CTNNA3: variants seen among roughly 807,000 people sequenced by gnomAD.
The protein encoded by CTNNA3 is catenin alpha 3.
A neutral mutation model predicts 95.7 loss-of-function variants in CTNNA3; 76 were observed. The observed-to-expected ratio is 0.79, with a 90% confidence interval of 0.66 to 0.96. The LOEUF is 0.96. Among genes scored for constraint, CTNNA3 ranks in the 40% least tolerant of loss-of-function variants. CTNNA3 has a pLI of 0.00. For missense variants in CTNNA3, 1,191 were observed against 1,089.8 expected (o/e 1.09, Z -1.31); for synonymous variants, 431 against 374.4 (o/e 1.15, Z -1.74).
At chr10:66,210,733 G>A (rs529589170) in intron 13 of CTNNA3, among the ~76,000 whole-genome samples, 2 of 152,206 alleles carry the variant, frequency 1.3e-5, no homozygotes, top group Admixed American at 6.5e-5. Flanking sequence ...TATAAAATCC[G>A]ATGCTAAGCA....
Position 66,927,925 on chromosome 10 carries a change from A to G in CTNNA3, c.1048-152401T>C, listed in dbSNP as rs201519765. ...AAGTTTTAAAGGTCTAAGGGAGAAT[A>G]CAATTATCTGTGCCAGTCCCAAAGA... On this transcript the variant is annotated intron_variant, in intron 7 of 17. Coordinates refer to ENST00000433211, the MANE Select transcript of CTNNA3 (RefSeq NM_013266.4). The surrounding 1 kb of genome is among the most constrained non-coding windows in gnomAD (Gnocchi z 4.7). 1 of 1,614,144 alleles carries G rather than the reference A, an allele frequency of 6.2e-7. No homozygotes were observed. Among genetic ancestry groups the G allele is most frequent in the Non-Finnish European group, 8.5e-7 (1 of 1,180,062 alleles).
intron 5 of CTNNA3, among the ~76,000 whole-genome samples, chr10:67,240,628 G>T (rs1326697837): frequency 6.6e-6 from 1 of 152,068 alleles, no homozygotes; most frequent in East Asian, 1.9e-4. Flanking sequence ...GAAAATAAAA[G>T]AATTCTTCAA....
chr10:66,663,678 G>A (rs1182007807), intron 9 of CTNNA3, among the ~76,000 whole-genome samples: 1 of 152,090 alleles, frequency 6.6e-6, no homozygotes, highest in Non-Finnish European at 1.5e-5. Context: ...TATTGCTAGT[G>A]TTGAAAGAAT....
chr10:67,717,818 T>C (rs1001629011), intron 1 of CTNNA3, among the ~76,000 whole-genome samples: 4 of 152,216 alleles, frequency 2.6e-5, no homozygotes, highest in Non-Finnish European at 5.9e-5. Flanking sequence ...TTTGGTTCCA[T>C]ATGAAATTTA....
chr10:67,629,142 T>C (rs1839054988), intron 2 of CTNNA3, among the ~76,000 whole-genome samples: 1 of 152,154 alleles, frequency 6.6e-6, no homozygotes, highest in Admixed American at 6.5e-5. Context: ...TATTTTTATG[T>C]TTTGTTCTCC....
intron 15 of CTNNA3, among the ~76,000 whole-genome samples, chr10:66,045,655 C>T (rs17243463): frequency 0.11 from 16,284 of 152,062 alleles, 1,030 homozygotes; most frequent in Non-Finnish European, 0.15. Context: ...GTATTTCCAC[C>T]CTAGAGCAGA....
intron 9 of CTNNA3, among the ~76,000 whole-genome samples, chr10:66,711,906 A>G (rs1259816400): frequency 6.6e-6 from 1 of 152,000 alleles, no homozygotes; most frequent in African/African-American, 2.4e-5. Flanking sequence ...TTGTGTTTTT[A>G]CTATTTAGAA....
chr10:67,091,194 C>A (rs1857610284), intron 7 of CTNNA3, among the ~76,000 whole-genome samples: 1 of 151,874 alleles, frequency 6.6e-6, no homozygotes, highest in Non-Finnish European at 1.5e-5. Flanking sequence ...AAACCCAAAG[C>A]TAGTTATGAA....
intron 15 of CTNNA3, among the ~76,000 whole-genome samples, chr10:66,065,247 T>TTGG (rs1564613839): frequency 2.6e-5 from 4 of 152,090 alleles, no homozygotes; most frequent in African/African-American, 9.7e-5. Context: ...TTTGTTTTGT[T>TTGG]TTGTTTTGTT....
intron 5 of CTNNA3, among the ~76,000 whole-genome samples, chr10:67,370,526 T>C (rs1356726793): frequency 1.3e-5 from 2 of 152,206 alleles, no homozygotes; most frequent in Non-Finnish European, 2.9e-5. Flanking sequence ...CTAAGAAATC[T>C]TACAATAGTA....
chr10:67,162,220 T>C (rs1461372576), intron 7 of CTNNA3, among the ~76,000 whole-genome samples: 2 of 152,040 alleles, frequency 1.3e-5, no homozygotes, highest in African/African-American at 4.8e-5. Flanking sequence ...AACAACATTA[T>C]TTTTAAGTTT....
At chr10:66,206,604 A>C (rs1294702545) in intron 13 of CTNNA3, among the ~76,000 whole-genome samples, 2 of 151,936 alleles carry the variant, frequency 1.3e-5, no homozygotes, top group African/African-American at 2.4e-5. Flanking sequence ...ATCAGAAACC[A>C]CTTCATAGGT....
chr10:67,539,718 C>T, intron 3 of CTNNA3, 49 bp from the exon 4 acceptor site: 6 of 1,543,672 alleles, frequency 3.9e-6, no homozygotes, highest in Non-Finnish European at 5.3e-6. Flanking sequence ...TCAACTATGC[C>T]TATTTCAGGA....
At chr10:66,989,042 G>T (rs138229147) in intron 7 of CTNNA3, among the ~76,000 whole-genome samples, 1 of 150,542 alleles carries the variant, frequency 6.6e-6, no homozygotes, top group South Asian at 2.1e-4. Context: ...TATCAGTCTC[G>T]TTACCTCTCA....
rs139572370 is a variant in CTNNA3, at chr10:67,525,175, G to T, written c.460-3214C>A. Among the ~76,000 whole-genome samples the T allele has an allele frequency of 1.5e-4, 23 of 149,500 alleles. No individual in the cohort carries two copies. In the East Asian group the frequency reaches 4.5e-3, roughly 29 times the overall value. On this transcript the variant is annotated intron_variant, in intron 4 of 17. Transcript: ENST00000433211. ...TATCCTGTGTTTTTTTTTTTAACTCGTTATAAACCAAACTCAAACTTTAAA... is the reference window on the plus strand; with the variant it reads ...TATCCTGTGTTTTTTTTTTTAACTCTTTATAAACCAAACTCAAACTTTAAA...
At chr10:67,724,799 T>C (rs1334714706) in intron 1 of CTNNA3, among the ~76,000 whole-genome samples, 2 of 152,162 alleles carry the variant, frequency 1.3e-5, no homozygotes, top group African/African-American at 4.8e-5. Flanking sequence ...GTGGCATAAA[T>C]TTGCTGCCTT....
chr10:66,493,841 G>A (rs1173211216), intron 11 of CTNNA3, among the ~76,000 whole-genome samples: 1 of 149,188 alleles, frequency 6.7e-6, no homozygotes, highest in Non-Finnish European at 1.5e-5. Context: ...TCCTGACCTC[G>A]TGATCCACCC....
intron 11 of CTNNA3, among the ~76,000 whole-genome samples, chr10:66,448,866 A>T (rs1589267228): frequency 6.6e-6 from 1 of 151,962 alleles, no homozygotes; most frequent in East Asian, 1.9e-4. Flanking sequence ...AATAAAATTA[A>T]ACTTTAATGA....
intron 15 of CTNNA3, among the ~76,000 whole-genome samples, chr10:66,044,223 C>T (rs1017451832): frequency 6.6e-6 from 1 of 152,120 alleles, no homozygotes; most frequent in Admixed American, 6.5e-5. Context: ...AACTTGTGAC[C>T]TTAGGTGATC....
Sources: gnomAD v4.1 joint callset for allele counts (sites outside exome capture counted in the v4.1 genomes callset) on GRCh38, gnomAD v4.1.1 for gene constraint, Gnocchi (gnomAD v3.1) non-coding constraint, MANE v1.5 for transcripts, NCBI Gene and HGNC (gene_info 2026-07-23, HGNC 2026-07-21) for gene names.